Variants in LCORL observed in about 807,000 individuals in gnomAD.
LCORL encodes ligand-dependent nuclear receptor corepressor-like protein.
LCORL carries 41 observed loss-of-function variants against 141.8 expected under a neutral mutation model. The observed-to-expected ratio is 0.29, with a 90% CI of 0.23 to 0.38. The LOEUF (loss-of-function observed/expected upper bound fraction) is 0.38. Ranked by LOEUF, LCORL falls within the 10% of genes least tolerant of loss-of-function variation. The pLI, the probability that LCORL is intolerant of heterozygous loss-of-function variation, is 1.00. For synonymous variants in LCORL, 618 were observed against 694.1 expected, an observed-to-expected ratio of 0.89 and a Z score of 1.72; for missense variants, 1,759 against 2,035.0, an observed-to-expected ratio of 0.86 and a Z score of 2.61.
At chr4:17,855,536 C>T (rs1203966253) in intron 7 of LCORL, among the ~76,000 whole-genome samples, 1 of 151,964 alleles carries the variant, frequency 6.6e-6, no homozygotes, top group East Asian at 1.9e-4. Flanking sequence ...ATTAATAGTC[C>T]CAACTCTTTA....
At chr4:17,929,246 C>G (rs1735621758) in intron 4 of LCORL, among the ~76,000 whole-genome samples, 1 of 152,134 alleles carries the variant, frequency 6.6e-6, no homozygotes, top group Non-Finnish European at 1.5e-5. Flanking sequence ...CTATCTAAAT[C>G]CCAGTTGGTA....
intron 4 of LCORL, among the ~76,000 whole-genome samples, chr4:17,953,060 T>A (rs906199591): frequency 6.6e-6 from 1 of 152,220 alleles, no homozygotes; most frequent in Admixed American, 6.5e-5. Flanking sequence ...TCCATGTTGC[T>A]GCAAAGGACA....
At chr4:17,861,038 T>A (rs1374795416) in intron 7 of LCORL, among the ~76,000 whole-genome samples, 1 of 152,128 alleles carries the variant, frequency 6.6e-6, no homozygotes, top group Non-Finnish European at 1.5e-5. Flanking sequence ...CTTTTCCAGG[T>A]GTATGGTGCA....
intron 7 of LCORL, among the ~76,000 whole-genome samples, chr4:17,865,171 T>A (rs1370301234): frequency 6.6e-6 from 1 of 152,148 alleles, no homozygotes; most frequent in African/African-American, 2.4e-5. Context: ...TATAGAACAC[T>A]TCACTCAACG....
chr4:18,007,956 T>C (rs530983059), intron 1 of LCORL, among the ~76,000 whole-genome samples: 3 of 151,638 alleles, frequency 2.0e-5, no homozygotes, highest in East Asian at 3.9e-4. Flanking sequence ...CCCAAAAGAG[T>C]AGTATGTAAA....
exon 8 of LCORL, chr4:17,841,342 C>CTAT (rs1245790324): frequency 6.6e-6 from 1 of 151,944 alleles, no homozygotes; most frequent in African/African-American, 2.4e-5. Flanking sequence ...TTTTAGAAAT[C>CTAT]TATTTTTTAA....
intron 1 of LCORL, among the ~76,000 whole-genome samples, chr4:18,016,257 C>G (rs1724612452): frequency 6.6e-6 from 1 of 152,132 alleles, no homozygotes; most frequent in African/African-American, 2.4e-5. Context: ...AGCAAACAAC[C>G]TGATTATCTC....
chr4:17,874,843 C>T (rs1726745081), exon 7 of LCORL: 2 of 1,233,700 alleles, frequency 1.6e-6, no homozygotes, highest in East Asian at 6.3e-5. Flanking sequence ...TCTTTGTAAG[C>T]TATTTTCATC....
At chr4:17,876,773 TGCA>T (rs1726967785) in exon 7 of LCORL, 2 of 1,230,722 alleles carry the variant, frequency 1.6e-6, no homozygotes, top group South Asian at 8.2e-5. Flanking sequence ...GTTTTCCATC[TGCA>T]GATTTCTCCT....
At chr4:17,918,116 T>C (rs1356464380) in intron 4 of LCORL, among the ~76,000 whole-genome samples, 1 of 152,208 alleles carries the variant, frequency 6.6e-6, no homozygotes, top group African/African-American at 2.4e-5. Flanking sequence ...ATCACTAAGC[T>C]AACTAGGTGA....
At chr4:17,944,288 AG>A (rs1278402842) in intron 4 of LCORL, among the ~76,000 whole-genome samples, 1 of 152,180 alleles carries the variant, frequency 6.6e-6, no homozygotes, top group East Asian at 1.9e-4. Context: ...ATCAAATACT[AG>A]GTCTTACTCA....
rs563658106 is a variant in LCORL, at chr4:17,930,879, G to A, written c.431-21534C>T. Among the ~76,000 whole-genome samples, 18 of 152,206 alleles carry A rather than the reference G, an allele frequency of 1.2e-4. No individual in the cohort carries two copies. The South Asian group carries it at 3.7e-3, about 32-fold the overall frequency. On this transcript the variant is annotated intron_variant, in intron 4 of 7. Coordinates refer to ENST00000635767, the Ensembl canonical transcript of LCORL. ...TAATTTGAAAACTGTCTTTTTCTAT[G>A]TTCTGGAAAAATGTATAGAGCATTG...
At chr4:17,912,404 T>C in intron 4 of LCORL, 1 of 626,152 alleles carries the variant, frequency 1.6e-6, no homozygotes, top group Non-Finnish European at 3.0e-6. Context: ...ACTGCGGAGG[T>C]AGATGCCACT....
intron 4 of LCORL, among the ~76,000 whole-genome samples, chr4:17,932,047 G>C (rs2658750): frequency 0.67 from 102,326 of 151,964 alleles, 35,076 homozygotes; most frequent in South Asian, 0.8. Context: ...AGCCCTTTCC[G>C]CCGCTAATTT....
At chr4:17,901,908 A>G (rs1424139285) in intron 5 of LCORL, among the ~76,000 whole-genome samples, 3 of 152,106 alleles carry the variant, frequency 2.0e-5, no homozygotes, top group Non-Finnish European at 4.4e-5. Flanking sequence ...CAAACTAAAT[A>G]TGAGTAAGAA....
At chr4:17,920,168 CTG>C (rs1734065004) in intron 4 of LCORL, among the ~76,000 whole-genome samples, 1 of 152,188 alleles carries the variant, frequency 6.6e-6, no homozygotes, top group Non-Finnish European at 1.5e-5. Context: ...GCCAGTCACC[CTG>C]TGAGATGTAA....
intron 1 of LCORL, among the ~76,000 whole-genome samples, chr4:18,010,398 C>G (rs937760921): frequency 3.3e-5 from 5 of 150,084 alleles, no homozygotes; most frequent in African/African-American, 1.2e-4. Flanking sequence ...GTGTGTGTGT[C>G]TGTGTGTGTG....
intron 4 of LCORL, among the ~76,000 whole-genome samples, chr4:17,938,914 A>T (rs951758949): frequency 6.6e-6 from 1 of 152,176 alleles, no homozygotes; most frequent in African/African-American, 2.4e-5. Flanking sequence ...GGAGGGCATC[A>T]GAACTAACAC....
chr4:17,878,885 G>T (rs941751464), intron 6 of LCORL, among the ~76,000 whole-genome samples: 1 of 151,184 alleles, frequency 6.6e-6, no homozygotes, highest in African/African-American at 2.4e-5. Flanking sequence ...GCCCACTACA[G>T]AAACTAATAT....
Sources: allele counts gnomAD v4.1 joint callset (sites outside exome capture counted in the v4.1 genomes callset), GRCh38; gene constraint gnomAD v4.1.1; transcripts MANE v1.5; gene names NCBI Gene and HGNC (gene_info 2026-07-23, HGNC 2026-07-21).